Variants in PRKN observed in about 807,000 individuals in gnomAD.
PRKN encodes parkin RBR E3 ubiquitin protein ligase.
A neutral mutation model predicts 59.5 loss-of-function variants in PRKN; 56 were observed. That is an observed-to-expected ratio of 0.94 (90% confidence interval 0.76 to 1.18). The LOEUF is 1.18. Among genes scored for constraint, PRKN ranks in the 50% most tolerant of loss-of-function variants. The pLI is 0.00. For synonymous variants in PRKN, 250 were observed against 222.1 expected (o/e 1.13, Z -1.12); for missense variants, 657 against 596.4 (o/e 1.10, Z -1.06).
chr6:161,596,930 C>T (rs1401551968), intron 7 of PRKN, among the ~76,000 whole-genome samples: 2 of 152,160 alleles, frequency 1.3e-5, no homozygotes, highest in Non-Finnish European at 2.9e-5. Flanking sequence ...TCTCAGTTTG[C>T]CTCAAGAATC....
At chr6:162,622,291 GT>G (rs748667913) in intron 1 of PRKN, among the ~76,000 whole-genome samples, 18 of 126,670 alleles carry the variant, frequency 1.4e-4, no homozygotes, top group South Asian at 2.7e-4. Flanking sequence ...TTCAAATTCT[GT>G]TTTTTTTTTT....
chr6:162,219,943 T>C (rs986665219), intron 3 of PRKN, among the ~76,000 whole-genome samples: 10 of 152,170 alleles, frequency 6.6e-5, no homozygotes, highest in African/African-American at 9.6e-5. Context: ...AACACCTTTA[T>C]ATAACATGGT....
chr6:162,124,715 A>G lies in PRKN; in HGVS notation c.535-70541T>C, dbSNP rs890060048. Among the ~76,000 whole-genome samples, 4 of 152,154 alleles carry G rather than the reference A, an allele frequency of 2.6e-5. No homozygotes were observed. In the East Asian group the frequency reaches 7.7e-4, roughly 29 times the overall value. On this transcript the variant is annotated intron_variant, in intron 4 of 11. Transcript: ENST00000366898. The stretch of plus-strand genomic sequence containing the variant: ...AGAAAATGCCACGGGATTAAAAATA[A>G]AGACTTGAGGAGAATCTGCAGATAA...
intron 7 of PRKN, among the ~76,000 whole-genome samples, chr6:161,648,021 TTATTAC>T (rs1784018998): frequency 6.6e-6 from 1 of 152,216 alleles, no homozygotes; most frequent in Non-Finnish European, 1.5e-5. Flanking sequence ...ACTTGGGCAT[TTATTAC>T]TGGTGCATGA....
At chr6:162,681,895 C>T (rs1779783538) in intron 1 of PRKN, among the ~76,000 whole-genome samples, 1 of 152,058 alleles carries the variant, frequency 6.6e-6, no homozygotes, top group African/African-American at 2.4e-5. Context: ...TAAATCTCTG[C>T]TTTTGTTGCT....
At position 161,785,872 on chromosome 6, in the gene PRKN, G is replaced by A. The variant is rs748797721; in HGVS notation, c.771C>T (p.His257=). 10 of 1,614,008 alleles carry A rather than the reference G, an allele frequency of 6.2e-6. No individual in the cohort carries two copies. Among genetic ancestry groups the A allele is most frequent in the Admixed American group, 3.3e-5 (2 of 60,000 alleles). The change falls in exon 7 of 12, where the codon CAC becomes CAT. Residue 257 remains histidine (H), a synonymous_variant. Transcript: ENST00000366898. ...PVLVFQCNSR[H]VICLDCFHLY... is the part of the protein sequence containing the mutation. ...AGTGGAAACAGTCTAAGCAAATCAC[G>A]TGGCGGGAGTTGCACTGGAAAACCA...
At position 161,480,108 on chromosome 6, in the gene PRKN, A is replaced by T. The variant is rs920400557; in HGVS notation, c.1083+68746T>A. Among the ~76,000 whole-genome samples, 2 of 152,242 alleles carry T rather than the reference A, an allele frequency of 1.3e-5. No individual in the cohort carries two copies. The highest frequency in any genetic ancestry group is 4.8e-5 in the African/African-American group (2 of 41,462). The stretch of plus-strand genomic sequence containing the variant: ...TCAGCCGTGTGCAGGCCATAGCATG[A>T]GCGAGAAATGAACTTTTGTTGGGTG... On this transcript the variant is annotated intron_variant, in intron 9 of 11. Coordinates refer to ENST00000366898, the MANE Select transcript of PRKN (RefSeq NM_004562.3). The surrounding 1 kb of genome is among the most constrained non-coding windows in gnomAD (Gnocchi z 4.1).
chr6:161,527,917 C>A lies in PRKN; in HGVS notation c.1083+20937G>T, dbSNP rs562216773. Among the ~76,000 whole-genome samples the A allele has an allele frequency of 6.6e-5, 10 of 152,342 alleles. No homozygotes were observed. The South Asian group carries it at 2.1e-3, about 32-fold the overall frequency. On this transcript the variant is annotated intron_variant, in intron 9 of 11. Coordinates refer to ENST00000366898, the MANE Select transcript of PRKN (RefSeq NM_004562.3). The surrounding 1 kb of genome is among the most constrained non-coding windows in gnomAD (Gnocchi z 4.6). ...TACCCCAAGGCCACAGGCATTACTG[C>A]CTCCTTTAACACAGCACTGCTTTTA...
At chr6:161,600,329 T>C (rs1343706666) in intron 7 of PRKN, among the ~76,000 whole-genome samples, 2 of 152,220 alleles carry the variant, frequency 1.3e-5, no homozygotes, top group Non-Finnish European at 1.5e-5. Context: ...CTCATTCATC[T>C]GGGTGGACTT....
rs1385974435 is a variant in PRKN, at chr6:161,982,027, C to CT, written c.619-8611dup. 3.3e-5 allele frequency among the ~76,000 whole-genome samples: 5 copies of CT among 152,304 alleles called. No homozygotes were observed. In the South Asian group the frequency reaches 8.3e-4, roughly 25 times the overall value. On this transcript the variant is annotated intron_variant, in intron 5 of 11. Transcript: ENST00000366898. ...TTTATGGTACATGTCTTCAAGAAGT[C>CT]TAACTTAAAACAAAAGTTGGCTAAT...
chr6:161,929,082 C>T (rs542799759), intron 6 of PRKN, among the ~76,000 whole-genome samples: 1 of 152,050 alleles, frequency 6.6e-6, no homozygotes, highest in South Asian at 2.1e-4. Flanking sequence ...TGCCAATCAA[C>T]AGGTGAATGG....
intron 4 of PRKN, among the ~76,000 whole-genome samples, chr6:162,179,316 T>G (rs1783686075): frequency 6.6e-6 from 1 of 152,226 alleles, no homozygotes; most frequent in Admixed American, 6.5e-5. Flanking sequence ...TCTTTGATCA[T>G]CAGCCCGAAC....
At chr6:161,759,155 G>A (rs567549343) in intron 7 of PRKN, among the ~76,000 whole-genome samples, 12 of 140,306 alleles carry the variant, frequency 8.6e-5, no homozygotes, top group African/African-American at 1.1e-4. Context: ...CCAGCCTGGC[G>A]ACAGAGTGAG....
intron 4 of PRKN, among the ~76,000 whole-genome samples, chr6:162,184,811 G>A (rs1233587247): frequency 1.3e-5 from 2 of 152,186 alleles, no homozygotes; most frequent in African/African-American, 2.4e-5. Context: ...CATGTTTGGA[G>A]TAGGCCAGGC....
At chr6:161,540,286 T>C (rs1779572014) in intron 9 of PRKN, among the ~76,000 whole-genome samples, 1 of 152,244 alleles carries the variant, frequency 6.6e-6, no homozygotes, top group African/African-American at 2.4e-5. Context: ...ATTTTATTTA[T>C]CATTATATAA....
At chr6:161,924,232 C>T (rs564956721) in intron 6 of PRKN, among the ~76,000 whole-genome samples, 1 of 152,254 alleles carries the variant, frequency 6.6e-6, no homozygotes, top group African/African-American at 2.4e-5. Context: ...TATCACACTA[C>T]CATCATCACC....
chr6:162,007,673 G>C (rs1400591497), intron 5 of PRKN, among the ~76,000 whole-genome samples: 1 of 151,840 alleles, frequency 6.6e-6, no homozygotes, highest in Non-Finnish European at 1.5e-5. Flanking sequence ...AATTCTGGCA[G>C]ACAACATTAT....
rs1168724868 is a variant in PRKN, at chr6:161,445,911, G to A, written c.1084-59034C>T. 3.3e-5 allele frequency among the ~76,000 whole-genome samples: 5 copies of A among 152,060 alleles called. No homozygotes were observed. The highest frequency in any genetic ancestry group is 4.8e-5 in the African/African-American group (2 of 41,376). On this transcript the variant is annotated intron_variant, in intron 9 of 11. Coordinates refer to ENST00000366898, the MANE Select transcript of PRKN (RefSeq NM_004562.3). The surrounding 1 kb of genome is among the most constrained non-coding windows in gnomAD (Gnocchi z 7.7). ...GCCTTAGTTCTGGAAAGCCTCCTGT[G>A]GGGAGATGGAGTGGCGGGGATAGGG... is the stretch of plus-strand genomic sequence containing the variant.
chr6:162,323,308 A>G (rs1056017091), intron 2 of PRKN, among the ~76,000 whole-genome samples: 5 of 151,852 alleles, frequency 3.3e-5, no homozygotes, highest in African/African-American at 9.7e-5. Context: ...ACTTATAGAA[A>G]AAAACATAAG....
Sources: allele counts gnomAD v4.1 joint callset (sites outside exome capture counted in the v4.1 genomes callset), GRCh38; gene constraint gnomAD v4.1.1; non-coding constraint Gnocchi (gnomAD v3.1); transcripts MANE v1.5; gene names NCBI Gene and HGNC (gene_info 2026-07-23, HGNC 2026-07-21).